Variants in RGS9 observed in about 807,000 individuals in gnomAD.
The protein encoded by RGS9 is regulator of G protein signaling 9.
Under a neutral mutation model 102.0 loss-of-function variants are expected in RGS9, and 78 were observed. The observed-to-expected ratio is 0.76, with a 90% confidence interval of 0.64 to 0.92. RGS9 has a LOEUF of 0.92. Ranked by LOEUF, RGS9 falls within the 40% of genes least tolerant of loss-of-function variation. The pLI is 0.00. For synonymous variants in RGS9, 353 were observed against 318.6 expected (o/e 1.11, Z -1.15); for missense variants, 833 against 866.1 (o/e 0.96, Z 0.48).
chr17:65,163,422 G>A (rs1179414165), intron 7 of RGS9, among the ~76,000 whole-genome samples: 2 of 152,016 alleles, frequency 1.3e-5, no homozygotes, highest in Non-Finnish European at 2.9e-5. Flanking sequence ...TCAAACTCCT[G>A]ACCTCGTGAT....
At chr17:65,202,182 G>T in intron 14 of RGS9, 102 bp downstream of exon 14, 4 of 783,722 alleles carry the variant, frequency 5.1e-6, no homozygotes. Flanking sequence ...CAGCCTGGTA[G>T]CTGGCTGGGC....
rs574480585 is a variant in RGS9 at position 65,153,088 on chromosome 17, T to G, written c.58-334T>G. ...GTTCCACTAACCCTGGGAGCTGTCA[T>G]CCTTCCATGCCTTTGCCCATGGTGT... On this transcript the variant is annotated intron_variant, in intron 1 of 18. Transcript: ENST00000262406. Among the ~76,000 whole-genome samples, 103 of 152,350 alleles carry G rather than the reference T, an allele frequency of 6.8e-4. 1 individual carries two copies. Among genetic ancestry groups the G allele is most frequent in the Non-Finnish European group, 1.1e-3 (76 of 68,040 alleles).
rs112552969 is a variant in RGS9, at chr17:65,189,930, CT to C, written c.685-233del. Among the ~76,000 whole-genome samples, 848 of 147,948 alleles carry C rather than the reference CT, an allele frequency of 5.7e-3. 7 individuals are homozygous for C. The highest frequency in any genetic ancestry group is 0.024 in the East Asian group (124 of 5,118). ...TGTCTCAGTTGAATGCTCCTTAGAA[CT>C]TTTTTTTTTTTCTGCTGATGCTTTT... On this transcript the variant is annotated intron_variant, in intron 10 of 18. Transcript: ENST00000262406.
In RGS9 at chr17:65,158,360, G is replaced by T. The variant is rs771712904; in HGVS notation, c.205+15G>T. ...CTCCAGTCTGGGTGAGAGCTCATCT[G>T]GCACTCAGTTATCCGGGACAGCTTT... On this transcript the variant is annotated intron_variant, in intron 3 of 18. Transcript: ENST00000262406. 6.2e-7 allele frequency: 1 copy of T among 1,612,392 alleles called. No individual in the cohort carries two copies. The highest frequency in any genetic ancestry group is 8.5e-7 in the Non-Finnish European group (1 of 1,178,452).
intron 8 of RGS9, among the ~76,000 whole-genome samples, chr17:65,175,226 T>C (rs1456754262): frequency 6.6e-6 from 1 of 152,012 alleles, no homozygotes; most frequent in East Asian, 1.9e-4. Flanking sequence ...GGCATGTATG[T>C]ATGTGAGCAT....
chr17:65,183,519 AC>A (rs1384276571), intron 9 of RGS9, among the ~76,000 whole-genome samples: 2 of 150,864 alleles, frequency 1.3e-5, no homozygotes, highest in Non-Finnish European at 3.0e-5. Context: ...CTGATCTTGA[AC>A]TCCTGGGCTC....
At chr17:65,170,299 T>C (rs61670230) in intron 8 of RGS9, among the ~76,000 whole-genome samples, 16,291 of 152,134 alleles carry the variant, frequency 0.11, 1,752 homozygotes, top group East Asian at 0.47. Flanking sequence ...GTGATCTGCC[T>C]GCCTCGGCCT....
intron 13 of RGS9, among the ~76,000 whole-genome samples, chr17:65,198,503 G>C (rs765698311): frequency 2.6e-5 from 4 of 151,966 alleles, no homozygotes; most frequent in African/African-American, 7.3e-5. Flanking sequence ...TGATCCACCT[G>C]CCTCGGCCTC....
chr17:65,187,299 A>G (rs1912161400), intron 9 of RGS9, among the ~76,000 whole-genome samples: 1 of 152,190 alleles, frequency 6.6e-6, no homozygotes, highest in Non-Finnish European at 1.5e-5. Context: ...ACATTAAACA[A>G]AGAGTCACAC....
At chr17:65,184,016 T>C (rs1019733263) in intron 9 of RGS9, among the ~76,000 whole-genome samples, 2 of 152,210 alleles carry the variant, frequency 1.3e-5, no homozygotes, top group African/African-American at 4.8e-5. Flanking sequence ...AAGCAGAGTC[T>C]TCCTCCTGTA....
At chr17:65,150,114 G>A (rs903239247) in intron 1 of RGS9, among the ~76,000 whole-genome samples, 8 of 152,176 alleles carry the variant, frequency 5.3e-5, no homozygotes, top group African/African-American at 1.9e-4. Flanking sequence ...GACAGACTTG[G>A]TGTGAGAGCA....
intron 1 of RGS9, among the ~76,000 whole-genome samples, chr17:65,143,793 CAAA>C (rs61423689): frequency 0.13 from 12,293 of 97,018 alleles, 1,173 homozygotes; most frequent in African/African-American, 0.27. Context: ...GACTCTGTCT[CAAA>C]AAAAAAAAAA....
chr17:65,217,823 ACT>A (rs1465502368), intron 17 of RGS9, among the ~76,000 whole-genome samples: 3 of 151,864 alleles, frequency 2.0e-5, no homozygotes, highest in African/African-American at 7.3e-5. Flanking sequence ...GGAATAGTTT[ACT>A]CTCTGATGTT....
chr17:65,138,970 C>T (rs28367321), intron 1 of RGS9, among the ~76,000 whole-genome samples: 16,193 of 36,248 alleles, frequency 0.45, 3,250 homozygotes, highest in Middle Eastern at 0.59. Flanking sequence ...CACCCCTCCT[C>T]CACCCCAGCA....
chr17:65,160,555 C>T lies in RGS9; in HGVS notation c.332C>T (p.Thr111Ile). 1 of 1,614,236 alleles carries T rather than the reference C, an allele frequency of 6.2e-7. No homozygotes were observed. The highest frequency in any genetic ancestry group is 8.5e-7 in the Non-Finnish European group (1 of 1,180,040). ...YRFQTPYFWP[T>I]QQWPAEDTDY... ...TTGCAGACACCGTATTTCTGGCCCA[C>T]CCAGCAGTGGCCAGCTGAAGATACC... is the stretch of plus-strand genomic sequence containing the variant. The change falls in exon 5 of 19, where the codon ACC (threonine) becomes ATC (isoleucine). Residue 111 changes from threonine to isoleucine, a missense_variant. Thr to Ile is a moderately conservative substitution (Grantham distance 89). Around this residue, in one of 3 missense-constraint regions of RGS9, gnomAD observed 328 missense variants for 340.6 expected, o/e 0.96. Transcript: ENST00000262406.
intron 17 of RGS9, among the ~76,000 whole-genome samples, chr17:65,215,182 G>A (rs1227309635): frequency 6.6e-6 from 1 of 152,162 alleles, no homozygotes; most frequent in Non-Finnish European, 1.5e-5. Context: ...TCAAGAGGAA[G>A]GTGTGGATTA....
chr17:65,153,101 T>C (rs540532276), intron 1 of RGS9, among the ~76,000 whole-genome samples: 48 of 152,324 alleles, frequency 3.2e-4, no homozygotes, highest in African/African-American at 1.1e-3. Context: ...TTCCATGCCT[T>C]TGCCCATGGT....
At chr17:65,174,580 C>T (rs1054491305) in intron 8 of RGS9, among the ~76,000 whole-genome samples, 3 of 150,982 alleles carry the variant, frequency 2.0e-5, no homozygotes, top group Non-Finnish European at 2.9e-5. Flanking sequence ...TGTGAGTGTG[C>T]ATATGTATAT....
chr17:65,137,451 TG>T lies in RGS9; in HGVS notation c.-86del. 7.3e-7 allele frequency: 1 copy of T among 1,370,950 alleles called. No homozygotes were observed. The highest frequency in any genetic ancestry group is 1.0e-6 in the Non-Finnish European group (1 of 971,390). 84.9% of individuals were successfully genotyped at this position (1,370,950 alleles called of 1,614,324 possible). ...CCGCCTCCCCGTCGACGCCCAGGGC[TG>T]GGGCGAGCCAGGCTGCCTTTCGAAC... On this transcript the variant is annotated 5_prime_UTR_variant, in exon 1 of 19. Coordinates refer to ENST00000262406, the MANE Select transcript of RGS9 (RefSeq NM_003835.4).
Sources: allele counts gnomAD v4.1 joint callset (sites outside exome capture counted in the v4.1 genomes callset), GRCh38; gene constraint gnomAD v4.1.1; regional missense constraint gnomAD v4.1.1; transcripts MANE v1.5; gene names NCBI Gene and HGNC (gene_info 2026-07-23, HGNC 2026-07-21).